The following MATR3 variants were observed in gnomAD, a reference collection of about 807,000 sequenced individuals.
MATR3 encodes matrin-3.
In MATR3, 4 loss-of-function variants were observed where a neutral mutation model predicts 85.5. The ratio of observed to expected loss-of-function variants is 0.05; its 90% CI spans 0.02 to 0.11. MATR3 has a LOEUF of 0.11. MATR3 is among the 10% of genes least tolerant of loss of function. MATR3 has a pLI of 1.00. For synonymous variants in MATR3, 336 were observed against 343.1 expected, an observed-to-expected ratio of 0.98 and a Z score of 0.23; for missense variants, 685 against 1,016.1, an observed-to-expected ratio of 0.67 and a Z score of 4.43.
In MATR3 at chr5:139,307,967, T is replaced by G. The variant is rs370460445; in HGVS notation, c.552T>G (p.Phe184Leu). 2.5e-6 allele frequency: 4 copies of G among 1,614,018 alleles called. No individual in the cohort carries two copies. The African/African-American group carries it at 5.3e-5, about 22-fold the overall frequency. ...PRDDWEEKRH[F>L]RRDSFDDRGP... ...ATGATTGGGAAGAAAAAAGGCACTT[T>G]AGAAGAGATAGTTTTGATGATCGTG... The change falls in exon 2 of 15, where the codon TTT (phenylalanine) becomes TTG (leucine). Residue 184 changes from phenylalanine to leucine, a missense_variant. Around this residue, in one of 9 missense-constraint regions of MATR3, gnomAD observed 223 missense variants for 334.4 expected, o/e 0.67. Coordinates refer to ENST00000394805, the MANE Select transcript of MATR3 (RefSeq NM_018834.6). The surrounding 1 kb of genome is among the most constrained non-coding windows in gnomAD (Gnocchi z 4.4).
intron 9 of MATR3, among the ~76,000 whole-genome samples, chr5:139,320,011 T>TA (rs1755470849): frequency 6.7e-6 from 1 of 149,982 alleles, no homozygotes; most frequent in African/African-American, 2.5e-5. Flanking sequence ...TTCTTGTATT[T>TA]AAAAAATATA....
At position 139,329,964 on chromosome 5, in the gene MATR3, T is replaced by C. The variant is rs1192131544; in HGVS notation, c.*569T>C. 1 of 454,106 alleles carries C rather than the reference T, an allele frequency of 2.2e-6. No individual in the cohort carries two copies. The highest frequency in any genetic ancestry group is 4.4e-6 in the Non-Finnish European group (1 of 226,602). The allele number at this position is 454,106 out of a possible 1,614,324, so 28.1% of individuals were successfully genotyped here. A position where few individuals can be genotyped will look rare whatever the true frequency, so the allele number is the denominator to read the frequency against. ...GCTGTTGTTTAGGTAATAAGAAATA[T>C]TAAGTAATTGGCTTTAGATTTTGTA... is the stretch of plus-strand genomic sequence containing the variant. On this transcript the variant is annotated 3_prime_UTR_variant, in exon 15 of 15. Transcript: ENST00000394805.
chr5:139,310,961 C>T (rs1208600222), intron 2 of MATR3: 1 of 152,200 alleles, frequency 6.6e-6, no homozygotes, highest in Non-Finnish European at 1.5e-5. Context: ...GCCACCACGC[C>T]CAGCTAATTT....
chr5:139,319,621 G>C (rs1242775047), intron 9 of MATR3, 120 bp downstream of exon 9: 2 of 825,050 alleles, frequency 2.4e-6, no homozygotes, highest in Admixed American at 5.0e-5. Flanking sequence ...GCCAAGGCAG[G>C]CAAATCACCT....
chr5:139,331,280 A>G lies in MATR3; in HGVS notation c.*1885A>G, dbSNP rs1756135405. 1 of 454,016 alleles carries G rather than the reference A, an allele frequency of 2.2e-6. No homozygotes were observed. The highest frequency in any genetic ancestry group is 4.4e-6 in the Non-Finnish European group (1 of 226,796). The allele number at this position is 454,016 out of a possible 1,614,324, so 28.1% of individuals were successfully genotyped here. ...AAATCCTTGCCAGTTTACTTCTGCA[A>G]TTTAATTTTAGCCTTTACTAATTAC... On this transcript the variant is annotated 3_prime_UTR_variant, in exon 15 of 15. Coordinates refer to ENST00000394805, the MANE Select transcript of MATR3 (RefSeq NM_018834.6).
intron 1 of MATR3, among the ~76,000 whole-genome samples, chr5:139,303,798 G>C (rs1430537933): frequency 6.6e-6 from 1 of 151,890 alleles, no homozygotes; most frequent in Non-Finnish European, 1.5e-5. Flanking sequence ...TACCTTCTAA[G>C]AAATTAAAGT....
chr5:139,294,502 C>T (rs927565888), intron 1 of MATR3: 1 of 153,320 alleles, frequency 6.5e-6, no homozygotes, highest in Non-Finnish European at 1.4e-5. Flanking sequence ...GTTAGCTGGA[C>T]ATCAGAAACA....
intron 3 of MATR3, among the ~76,000 whole-genome samples, chr5:139,286,829 G>A (rs907124985): frequency 3.7e-5 from 5 of 134,532 alleles, no homozygotes; most frequent in African/African-American, 1.3e-4. Flanking sequence ...GGGCAAGAGA[G>A]CCAGACTCCG....
intron 14 of MATR3, among the ~76,000 whole-genome samples, chr5:139,328,441 G>A (rs1440065382): frequency 6.6e-6 from 1 of 152,116 alleles, no homozygotes; most frequent in Non-Finnish European, 1.5e-5. Context: ...TTTCATTAGT[G>A]TCTTAATGGA....
intron 2 of MATR3, among the ~76,000 whole-genome samples, chr5:139,277,678 C>T (rs1423346610): frequency 6.6e-6 from 1 of 151,502 alleles, no homozygotes; most frequent in Non-Finnish European, 1.5e-5. Context: ...TCCATCTCTC[C>T]AGATAAGGGT....
At chr5:139,308,498 A>C (rs1305782001) in intron 2 of MATR3, among the ~76,000 whole-genome samples, 171 bp downstream of exon 2, 1 of 152,230 alleles carries the variant, frequency 6.6e-6, no homozygotes, top group Non-Finnish European at 1.5e-5. Context: ...ATTTTAAACC[A>C]GGGCTTTACA....
chr5:139,322,690 G>A lies in MATR3; in HGVS notation c.1871G>A (p.Gly624Asp), dbSNP rs762774985. 1 of 1,614,012 alleles carries A rather than the reference G, an allele frequency of 6.2e-7. No homozygotes were observed. ...CAGAAGACTGAGAGTTCAACCGAAGGTAAAGAACAAGAAGAGAAGTCCGGT... is the reference window on the plus strand; with the variant it reads ...CAGAAGACTGAGAGTTCAACCGAAGATAAAGAACAAGAAGAGAAGTCCGGT... The part of the protein sequence containing the change: ...GSQKTESSTE[G>D]KEQEEKSGED... The change falls in exon 12 of 15, where the codon GGT becomes GAT. Residue 624 changes from glycine (G) to aspartate (D), a missense_variant. Gly to Asp is a moderately conservative substitution (Grantham distance 94, BLOSUM62 -1). Transcript: ENST00000394805.
Position 139,307,198 on chromosome 5 carries a change from C to T in MATR3, c.-177-41C>T. On this transcript the variant is annotated intron_variant, in intron 1 of 14. Transcript: ENST00000394805. The surrounding 1 kb of genome is among the most constrained non-coding windows in gnomAD (Gnocchi z 4.4). ...TTTTTTCTTAAAAAAACGGCATCTGCTTAAAGGGATTTATGACTAAAATTG... is the reference window on the plus strand; with the variant it reads ...TTTTTTCTTAAAAAAACGGCATCTGTTTAAAGGGATTTATGACTAAAATTG... The T allele has an allele frequency of 8.0e-7, 1 of 1,252,802 alleles. No individual in the cohort carries two copies. The highest frequency in any genetic ancestry group is 1.0e-6 in the Non-Finnish European group (1 of 999,792). The allele number at this position is 1,252,802 out of a possible 1,614,324, so 77.6% of individuals were successfully genotyped here. A position where few individuals can be genotyped will look rare whatever the true frequency, so the allele number is the denominator to read the frequency against.
intron 3 of MATR3, chr5:139,280,789 A>G (rs1485455149): frequency 6.6e-6 from 1 of 152,208 alleles, no homozygotes; most frequent in African/African-American, 2.4e-5. Context: ...CAGTAGCGCT[A>G]TCCATGTGCA....
At chr5:139,326,018 T>C (rs975198186) in intron 13 of MATR3, 145 bp from the exon 14 acceptor site, 17 of 725,008 alleles carry the variant, frequency 2.3e-5, no homozygotes, top group Middle Eastern at 3.9e-4. Flanking sequence ...AAGCAAAATA[T>C]GGTTCGGTTT....
At chr5:139,321,861 A>G (rs763792462) in intron 9 of MATR3, 37 bp from the exon 10 acceptor site, 1 of 1,605,402 alleles carries the variant, frequency 6.2e-7, no homozygotes, top group Non-Finnish European at 8.5e-7. Context: ...TTTGTAAAAT[A>G]TAATGTGCTT....
chr5:139,315,869 A>T (rs1680920608), intron 4 of MATR3, 131 bp downstream of exon 4: 1 of 848,466 alleles, frequency 1.2e-6, no homozygotes, highest in Non-Finnish European at 1.9e-6. Context: ...GATAAAATTC[A>T]CTTTGGTTAA....
intron 1 of MATR3, among the ~76,000 whole-genome samples, chr5:139,304,545 G>A (rs1478535204): frequency 6.6e-6 from 1 of 152,020 alleles, no homozygotes; most frequent in Non-Finnish European, 1.5e-5. Context: ...GTAGTAAATG[G>A]CATTTGTGTA....
intron 8 of MATR3, 30 bp downstream of exon 8, chr5:139,319,063 C>A: frequency 6.3e-7 from 1 of 1,581,178 alleles, no homozygotes; most frequent in Non-Finnish European, 8.7e-7. Flanking sequence ...AGCTGTATAT[C>A]AGTTTAACAA....
Sources: gnomAD v4.1 joint callset for allele counts (sites outside exome capture counted in the v4.1 genomes callset) on GRCh38, gnomAD v4.1.1 for gene constraint, gnomAD v4.1.1 regional missense constraint, Gnocchi (gnomAD v3.1) non-coding constraint, MANE v1.5 for transcripts, NCBI Gene and HGNC (gene_info 2026-07-23, HGNC 2026-07-21) for gene names.